The following AKAP13 variants were observed in gnomAD, a reference collection of about 807,000 sequenced individuals.
AKAP13 encodes A-kinase anchor protein 13.
In AKAP13, 80 loss-of-function variants were observed where a neutral mutation model predicts 264.5. That is an observed-to-expected ratio of 0.30 (90% CI 0.25 to 0.36). AKAP13 has a LOEUF of 0.36. Ranked by LOEUF, AKAP13 falls within the 10% of genes least tolerant of loss-of-function variation. AKAP13 has a pLI of 1.00. For synonymous variants in AKAP13, 1,380 were observed against 1,250.2 expected (o/e 1.10, Z -2.19); for missense variants, 3,712 against 3,435.2 (o/e 1.08, Z -2.01).
intron 1 of AKAP13, among the ~76,000 whole-genome samples, chr15:85,464,788 G>A (rs117666680): frequency 6.6e-6 from 1 of 151,920 alleles, no homozygotes; most frequent in Non-Finnish European, 1.5e-5. Context: ...AGGTTATGTC[G>A]GTTTAGAATT....
At chr15:85,678,883 TA>T (rs35438915) in intron 14 of AKAP13, among the ~76,000 whole-genome samples, 22,913 of 143,662 alleles carry the variant, frequency 0.16, 2,212 homozygotes, top group Middle Eastern at 0.33. Context: ...AAAACAAAAT[TA>T]AAAAAAAAAA....
At chr15:85,438,186 G>T (rs991382896) in intron 1 of AKAP13, among the ~76,000 whole-genome samples, 12 of 143,876 alleles carry the variant, frequency 8.3e-5, no homozygotes, top group African/African-American at 3.3e-4. Flanking sequence ...GACAAACAGA[G>T]AGCCAAATCA....
At chr15:85,686,225 C>A (rs2084918941) in intron 16 of AKAP13, among the ~76,000 whole-genome samples, 1 of 151,236 alleles carries the variant, frequency 6.6e-6, no homozygotes, top group Non-Finnish European at 1.5e-5. Flanking sequence ...CATGTACATA[C>A]AGATATATAC....
At chr15:85,653,404 G>C (rs1486132932) in intron 10 of AKAP13, among the ~76,000 whole-genome samples, 2 of 152,158 alleles carry the variant, frequency 1.3e-5, no homozygotes, top group Non-Finnish European at 2.9e-5. Context: ...CCTGTCCAGT[G>C]ATCCCCTTGC....
At position 85,747,606 on chromosome 15, in the gene AKAP13, C is replaced by A. The variant is rs553031901; in HGVS notation, c.*2929C>A. On this transcript the variant is annotated 3_prime_UTR_variant, in exon 37 of 37. Coordinates refer to ENST00000394518, the MANE Select transcript of AKAP13 (RefSeq NM_007200.5). ...CAATTCCAGTCATCTCAGTCGTTGT[C>A]GTTAGGTGACATGTGCACTTTAAAT... The A allele has an allele frequency of 6.6e-6, 1 of 152,556 alleles. No homozygotes were observed. Among genetic ancestry groups the A allele is most frequent in the East Asian group, 1.9e-4 (1 of 5,194 alleles). The allele number at this position is 152,556 out of a possible 1,614,324, so 9.5% of individuals were successfully genotyped here.
intron 17 of AKAP13, among the ~76,000 whole-genome samples, chr15:85,695,679 G>A (rs1012566954): frequency 6.6e-6 from 1 of 152,170 alleles, no homozygotes; most frequent in Non-Finnish European, 1.5e-5. Context: ...CAAAAACCAT[G>A]AGAGCTCTCA....
chr15:85,396,619 G>C (rs775812596), intron 1 of AKAP13, among the ~76,000 whole-genome samples: 1 of 151,964 alleles, frequency 6.6e-6, no homozygotes, highest in Non-Finnish European at 1.5e-5. Context: ...TTTTTAAATG[G>C]TATTTTTACT....
At position 85,580,805 on chromosome 15, in the gene AKAP13, A is replaced by G; in HGVS notation, c.2737A>G (p.Lys913Glu). 2 of 1,614,102 alleles carry G rather than the reference A, an allele frequency of 1.2e-6. No homozygotes were observed. Among genetic ancestry groups the G allele is most frequent in the Non-Finnish European group, 8.5e-7 (1 of 1,180,032 alleles). Residue 913 changes from lysine to glutamate, a missense_variant, in exon 7 of 37, where the codon AAA (lysine) becomes GAA (glutamate). By Grantham distance (56) the Lys-to-Glu change is moderately conservative. Transcript: ENST00000394518. ...ALDSVLTEEGKLLVVSESSAA... is the reference protein window; with the variant it reads ...ALDSVLTEEGELLVVSESSAA... ...AGATTCAGTTTTGACTGAAGAAGGA[A>G]AACTTCTGGTGGTTTCAGAAAGCTC...
intron 5 of AKAP13, among the ~76,000 whole-genome samples, chr15:85,547,126 C>T (rs1007665359): frequency 6.6e-6 from 1 of 152,194 alleles, no homozygotes; most frequent in African/African-American, 2.4e-5. Context: ...AAGCCGGCCT[C>T]TTTTATTGCC....
At chr15:85,649,564 A>G (rs2082711100) in intron 10 of AKAP13, among the ~76,000 whole-genome samples, 1 of 152,158 alleles carries the variant, frequency 6.6e-6, no homozygotes, top group Non-Finnish European at 1.5e-5. Context: ...ACATGAGGTC[A>G]CTTCCTGCAG....
rs1485870513 is a variant in AKAP13 at position 85,722,363 on chromosome 15, A to G, written c.6496+16A>G. On this transcript the variant is annotated intron_variant, in intron 25 of 36. Transcript: ENST00000394518. ...TGTACCAAAGGTAAGTCTCCTTTCT[A>G]ACTCGGTCTTGTATGGTCATGGACT... 1.3e-6 allele frequency: 2 copies of G among 1,593,972 alleles called. No individual in the cohort carries two copies. Among genetic ancestry groups the G allele is most frequent in the African/African-American group, 1.3e-5 (1 of 74,216 alleles).
At chr15:85,686,223 T>C (rs533962305) in intron 16 of AKAP13, among the ~76,000 whole-genome samples, 1 of 152,104 alleles carries the variant, frequency 6.6e-6, no homozygotes, top group East Asian at 1.9e-4. Context: ...TACATGTACA[T>C]ACAGATATAT....
intron 1 of AKAP13, among the ~76,000 whole-genome samples, chr15:85,410,270 G>A (rs977307950): frequency 6.6e-6 from 1 of 151,532 alleles, no homozygotes; most frequent in African/African-American, 2.4e-5. Flanking sequence ...GGTCATACCT[G>A]CTTTTGTGTA....
chr15:85,617,346 C>T (rs572654974), intron 8 of AKAP13, among the ~76,000 whole-genome samples: 5 of 152,220 alleles, frequency 3.3e-5, no homozygotes, highest in African/African-American at 1.2e-4. Context: ...GAGGTTCAAA[C>T]GATTCTCCTG....
At chr15:85,415,919 T>C (rs1300932814) in intron 1 of AKAP13, among the ~76,000 whole-genome samples, 1 of 152,140 alleles carries the variant, frequency 6.6e-6, no homozygotes, top group Admixed American at 6.5e-5. Flanking sequence ...GCTGGTGCAC[T>C]TAAAGCCTGG....
intron 7 of AKAP13, 88 bp from the exon 8 acceptor site, chr15:85,585,614 C>A: frequency 6.4e-7 from 1 of 1,560,394 alleles, no homozygotes. Context: ...CAAAACAAAA[C>A]ACATGAAACC....
In AKAP13 at chr15:85,708,492, G is replaced by A. The variant is rs953982861; in HGVS notation, c.5532+406G>A. Among the ~76,000 whole-genome samples, 1 of 152,138 alleles carries A rather than the reference G, an allele frequency of 6.6e-6. No homozygotes were observed. The highest frequency in any genetic ancestry group is 2.4e-5 in the African/African-American group (1 of 41,422). On this transcript the variant is annotated intron_variant, in intron 18 of 36. Coordinates refer to ENST00000394518, the MANE Select transcript of AKAP13 (RefSeq NM_007200.5). This position sits in a 1 kb window ranked among gnomAD's most constrained non-coding sequence, Gnocchi z 4.3. The stretch of plus-strand genomic sequence containing the variant: ...GGGGCATTGACCTGCTGGTGGGGGT[G>A]GGGAGGGTGTTATGGTTAGCCCCAG...
In AKAP13 at chr15:85,748,696, CTAATT is replaced by C. The variant is rs2089439524; in HGVS notation, c.*4025_*4029del. The C allele has an allele frequency of 6.6e-6, 1 of 152,092 alleles. No homozygotes were observed. Among genetic ancestry groups the C allele is most frequent in the Admixed American group, 6.5e-5 (1 of 15,270 alleles). The allele number at this position is 152,092 out of a possible 1,614,324, so 9.4% of individuals were successfully genotyped here. On this transcript the variant is annotated 3_prime_UTR_variant, in exon 37 of 37. Transcript: ENST00000394518. The stretch of plus-strand genomic sequence containing the variant: ...TAAAGGCATCTTTCCAAGTACTCAT[CTAATT>C]TAATTGTCAAAAGATTGATAGGCCA...
At chr15:85,626,908 C>T (rs942750589) in intron 8 of AKAP13, among the ~76,000 whole-genome samples, 1 of 152,114 alleles carries the variant, frequency 6.6e-6, no homozygotes, top group African/African-American at 2.4e-5. Context: ...CTCGCCAACA[C>T]TTATTTTCTA....
Sources: gnomAD v4.1 joint callset for allele counts (sites outside exome capture counted in the v4.1 genomes callset) on GRCh38, gnomAD v4.1.1 for gene constraint, Gnocchi (gnomAD v3.1) non-coding constraint, MANE v1.5 for transcripts, NCBI Gene and HGNC (gene_info 2026-07-23, HGNC 2026-07-21) for gene names.